KCNT2: variants seen among roughly 807,000 people sequenced by gnomAD.
The protein encoded by KCNT2 is potassium channel subfamily T member 2.
A neutral mutation model predicts 153.8 loss-of-function variants in KCNT2; 67 were observed. That is an observed-to-expected ratio of 0.44 (90% CI 0.36 to 0.53). The LOEUF is 0.53. KCNT2 is among the 20% of genes least tolerant of loss of function. The probability of loss-of-function intolerance (pLI) is 0.00; values close to 1 mark genes in which losing one functional copy is unlikely to be tolerated. For synonymous variants in KCNT2, 500 were observed against 458.8 expected (o/e 1.09, Z -1.15); for missense variants, 975 against 1,354.8 (o/e 0.72, Z 4.40).
chr1:196,348,974 C>T (rs1558179182), intron 14 of KCNT2, among the ~76,000 whole-genome samples: 1 of 152,120 alleles, frequency 6.6e-6, no homozygotes, highest in East Asian at 1.9e-4. Context: ...AAGAAAGAAT[C>T]CCCTAGATCT....
intron 13 of KCNT2, among the ~76,000 whole-genome samples, chr1:196,375,109 T>C (rs1403174466): frequency 6.6e-6 from 1 of 151,804 alleles, no homozygotes; most frequent in Non-Finnish European, 1.5e-5. Flanking sequence ...TTAGGTCTCC[T>C]CCCTTTTCTT....
intron 1 of KCNT2, among the ~76,000 whole-genome samples, chr1:196,524,695 C>A (rs1027294438): frequency 6.6e-6 from 1 of 151,756 alleles, no homozygotes; most frequent in Non-Finnish European, 1.5e-5. Flanking sequence ...TTCCTATATC[C>A]CGGATATCAT....
chr1:196,438,172 A>G (rs1261526431), intron 8 of KCNT2, among the ~76,000 whole-genome samples: 1 of 151,754 alleles, frequency 6.6e-6, no homozygotes, highest in Non-Finnish European at 1.5e-5. Context: ...TTTGTTATTT[A>G]TTTATAGCCC....
intron 14 of KCNT2, among the ~76,000 whole-genome samples, chr1:196,371,809 A>G (rs1469281751): frequency 1.3e-5 from 2 of 152,092 alleles, no homozygotes; most frequent in East Asian, 1.9e-4. Context: ...AACGAAATTT[A>G]ACTTCAGTCA....
intron 26 of KCNT2, among the ~76,000 whole-genome samples, chr1:196,250,170 G>C (rs905615474): frequency 5.3e-5 from 8 of 151,936 alleles, no homozygotes; most frequent in African/African-American, 1.7e-4. Flanking sequence ...AAAACTGGCA[G>C]AATCACATTA....
At chr1:196,555,563 A>T (rs1658529518) in intron 1 of KCNT2, among the ~76,000 whole-genome samples, 1 of 151,488 alleles carries the variant, frequency 6.6e-6, no homozygotes, top group Non-Finnish European at 1.5e-5. Flanking sequence ...ATATTGTTAA[A>T]ATGTCCATAC....
chr1:196,271,685 G>A lies in KCNT2; in HGVS notation c.2910+9175C>T, dbSNP rs899445782. Among the ~76,000 whole-genome samples the A allele has an allele frequency of 2.6e-5, 4 of 152,002 alleles. No individual in the cohort carries two copies. In the East Asian group the frequency reaches 7.7e-4, roughly 29 times the overall value. ...TTAAGAGTACAGTTTTTGTTAGAGA[G>A]AAAGTGAAACAGAATTACAGATGAG... On this transcript the variant is annotated intron_variant, in intron 25 of 27. Transcript: ENST00000294725.
intron 1 of KCNT2, among the ~76,000 whole-genome samples, chr1:196,607,692 C>T (rs1665473520): frequency 6.6e-6 from 1 of 152,094 alleles, no homozygotes; most frequent in African/African-American, 2.4e-5. Flanking sequence ...ACTTAAAACT[C>T]CAAAATGTTT....
At chr1:196,397,604 T>C (rs1322492913) in intron 13 of KCNT2, among the ~76,000 whole-genome samples, 2 of 151,474 alleles carry the variant, frequency 1.3e-5, no homozygotes, top group Non-Finnish European at 3.0e-5. Context: ...TTGTTTGCTA[T>C]ACATTGTTAG....
chr1:196,247,550 G>C (rs1655564435), intron 26 of KCNT2, among the ~76,000 whole-genome samples: 1 of 152,196 alleles, frequency 6.6e-6, no homozygotes, highest in African/African-American at 2.4e-5. Context: ...GGCTGGGAAG[G>C]CCTCAGGAAA....
intron 13 of KCNT2, among the ~76,000 whole-genome samples, chr1:196,394,703 A>T (rs1670776151): frequency 6.6e-6 from 1 of 151,562 alleles, no homozygotes; most frequent in Non-Finnish European, 1.5e-5. Context: ...GAAAGAAAAA[A>T]AAACTCTTTT....
At chr1:196,426,074 T>C (rs527580018) in intron 10 of KCNT2, 86 bp from the exon 11 acceptor site, 4 of 1,028,678 alleles carry the variant, frequency 3.9e-6, no homozygotes, top group South Asian at 3.3e-5. Context: ...TAAGAAAAAT[T>C]TGAAATATGA....
chr1:196,420,797 AT>A (rs978330771), intron 12 of KCNT2, among the ~76,000 whole-genome samples: 5 of 152,006 alleles, frequency 3.3e-5, no homozygotes, highest in African/African-American at 1.2e-4. Flanking sequence ...AATTCCCTTA[AT>A]TTTAGCATGG....
At chr1:196,422,612 T>C (rs1440205823) in intron 12 of KCNT2, among the ~76,000 whole-genome samples, 2 of 151,892 alleles carry the variant, frequency 1.3e-5, no homozygotes, top group Non-Finnish European at 2.9e-5. Flanking sequence ...CTTTTAAAAA[T>C]ACAGAGATTG....
chr1:196,427,958 A>T (rs1323196125), intron 10 of KCNT2, 147 bp downstream of exon 10: 11 of 540,890 alleles, frequency 2.0e-5, no homozygotes, highest in Non-Finnish European at 3.6e-5. Flanking sequence ...GTTCCTGGTT[A>T]TATTTGTGGT....
At chr1:196,432,808 A>C (rs532707220) in intron 8 of KCNT2, among the ~76,000 whole-genome samples, 38 of 152,186 alleles carry the variant, frequency 2.5e-4, no homozygotes, top group Non-Finnish European at 5.0e-4. Flanking sequence ...CTTTGGACTT[A>C]GAGTTGGTGT....
At chr1:196,576,656 T>A (rs1661417791) in intron 1 of KCNT2, among the ~76,000 whole-genome samples, 2 of 152,134 alleles carry the variant, frequency 1.3e-5, no homozygotes, top group Admixed American at 1.3e-4. Context: ...ATATCTAGTA[T>A]CATTTCTTCT....
intron 13 of KCNT2, among the ~76,000 whole-genome samples, chr1:196,396,838 T>C (rs1670980061): frequency 6.6e-6 from 1 of 151,458 alleles, no homozygotes; most frequent in Non-Finnish European, 1.5e-5. Context: ...AGTCCGTATT[T>C]TTTTTTAGCA....
At chr1:196,289,410 T>C (rs1321603519) in intron 22 of KCNT2, among the ~76,000 whole-genome samples, 2 of 152,124 alleles carry the variant, frequency 1.3e-5, no homozygotes, top group Non-Finnish European at 2.9e-5. Context: ...GCAGAGACCA[T>C]GATTTTGCTT....
Sources: allele counts gnomAD v4.1 joint callset (sites outside exome capture counted in the v4.1 genomes callset), GRCh38; gene constraint gnomAD v4.1.1; transcripts MANE v1.5; gene names NCBI Gene and HGNC (gene_info 2026-07-23, HGNC 2026-07-21).